Variants in PPFIBP2 observed in about 807,000 individuals in gnomAD.
The protein encoded by PPFIBP2 is liprin-beta-2.
In PPFIBP2, 118 loss-of-function variants were observed where a neutral mutation model predicts 118.3. That is an observed-to-expected ratio of 1.00 (90% CI 0.86 to 1.16). The LOEUF is 1.16. Among genes scored for constraint, PPFIBP2 ranks in the 50% most tolerant of loss-of-function variants. PPFIBP2 has a pLI of 0.00. For missense variants in PPFIBP2, 1,195 were observed against 1,073.1 expected (o/e 1.11, Z -1.59); for synonymous variants, 414 against 397.4 (o/e 1.04, Z -0.50).
intron 5 of PPFIBP2, among the ~76,000 whole-genome samples, chr11:7,602,207 G>C (rs1010452789): frequency 6.6e-6 from 1 of 151,920 alleles, no homozygotes; most frequent in Admixed American, 6.6e-5. Context: ...AGAACTCACA[G>C]TGCTGGGCTC....
At chr11:7,526,764 G>A (rs566869629) in intron 1 of PPFIBP2, among the ~76,000 whole-genome samples, 23 of 152,194 alleles carry the variant, frequency 1.5e-4, no homozygotes, top group African/African-American at 4.1e-4. Context: ...ATCCCAAGTC[G>A]CAGGCTGAAC....
At chr11:7,562,305 C>T (rs576625785) in intron 2 of PPFIBP2, among the ~76,000 whole-genome samples, 2 of 152,290 alleles carry the variant, frequency 1.3e-5, no homozygotes, top group South Asian at 4.1e-4. Flanking sequence ...GGGCTTAGTT[C>T]CTTGATGTCT....
intron 1 of PPFIBP2, among the ~76,000 whole-genome samples, chr11:7,532,098 T>C (rs1291496984): frequency 6.6e-6 from 1 of 152,156 alleles, no homozygotes; most frequent in Non-Finnish European, 1.5e-5. Context: ...CACCTCGGCC[T>C]CCCAAAGTGC....
intron 14 of PPFIBP2, 141 bp from the exon 15 acceptor site, chr11:7,639,591 A>G (rs1027390193): frequency 4.7e-6 from 5 of 1,068,236 alleles, no homozygotes; most frequent in Non-Finnish European, 7.0e-6. Context: ...CGGACTAGCT[A>G]AATAATCTTT....
intron 20 of PPFIBP2, 86 bp downstream of exon 20, chr11:7,649,321 C>T: frequency 1.5e-6 from 2 of 1,349,710 alleles, no homozygotes; most frequent in Non-Finnish European, 2.1e-6. Flanking sequence ...AAACTTGATT[C>T]CATATATTCT....
rs201797789 is a variant in PPFIBP2 at position 7,653,021 on chromosome 11, T to C, written c.2437-3T>C. On this transcript the variant is annotated splice_region_variant and splice_polypyrimidine_tract_variant and intron_variant, in intron 23 of 23. Coordinates refer to ENST00000299492, the MANE Select transcript of PPFIBP2 (RefSeq NM_003621.5). ...TCATAATCTTGCATTTTCTGTGTTT[T>C]AGCCAAGGAAACTAGGATTTTCACA... The C allele has an allele frequency of 1.2e-6, 2 of 1,605,136 alleles. No individual in the cohort carries two copies. Among genetic ancestry groups the C allele is most frequent in the Non-Finnish European group, 1.7e-6 (2 of 1,173,450 alleles).
At chr11:7,546,102 T>C (rs994616758) in intron 1 of PPFIBP2, among the ~76,000 whole-genome samples, 1 of 152,184 alleles carries the variant, frequency 6.6e-6, no homozygotes, top group African/African-American at 2.4e-5. Context: ...CATGCATCCC[T>C]CCCCACTCCT....
In PPFIBP2 at chr11:7,597,652, T is replaced by C. The variant is rs773792345; in HGVS notation, c.465T>C (p.Ala155=). ...CLEGHQVKLN[A]AEEMLQQELL... ...AAGGACACCAGGTGAAACTCAATGC[T>C]GCTGAAGAGATGCTTCAACAGGTAA... Residue 155 remains alanine (A), a synonymous_variant, in exon 5 of 24, where the codon GCT becomes GCC. Coordinates refer to ENST00000299492, the MANE Select transcript of PPFIBP2 (RefSeq NM_003621.5). 3 of 1,614,100 alleles carry C rather than the reference T, an allele frequency of 1.9e-6. No homozygotes were observed. The African/African-American group carries it at 4.0e-5, about 22-fold the overall frequency.
intron 2 of PPFIBP2, among the ~76,000 whole-genome samples, chr11:7,561,589 A>G (rs1297682294): frequency 1.3e-5 from 2 of 152,006 alleles, no homozygotes; most frequent in Admixed American, 1.3e-4. Flanking sequence ...ATTTTTGTGT[A>G]TGGTGTATAA....
chr11:7,555,480 G>A (rs1241896885), intron 2 of PPFIBP2, among the ~76,000 whole-genome samples: 1 of 152,294 alleles, frequency 6.6e-6, no homozygotes, highest in South Asian at 2.1e-4. Flanking sequence ...GCTGAGGACT[G>A]TTGAGTCCAT....
chr11:7,665,266 G>T, the PPFIBP2 span: 2 of 986,240 alleles, frequency 2.0e-6, no homozygotes, highest in Non-Finnish European at 2.9e-6. Flanking sequence ...GTGCGCGAAG[G>T]TACATGGCAA....
chr11:7,665,246 G>C, the PPFIBP2 span: 1 of 798,196 alleles, frequency 1.3e-6, no homozygotes, highest in Non-Finnish European at 1.9e-6. Context: ...CAAAAGAGGA[G>C]AACCAGTGTG....
intron 2 of PPFIBP2, among the ~76,000 whole-genome samples, chr11:7,561,912 C>T (rs992022947): frequency 3.3e-5 from 5 of 152,162 alleles, no homozygotes; most frequent in African/African-American, 1.2e-4. Flanking sequence ...AGCAGCAGTC[C>T]CTAACCTTTT....
chr11:7,651,812 T>G lies in PPFIBP2; in HGVS notation c.2404T>G (p.Tyr802Asp), dbSNP rs1445055795. The G allele has an allele frequency of 1.2e-6, 2 of 1,613,364 alleles. No homozygotes were observed. Among genetic ancestry groups the G allele is most frequent in the Non-Finnish European group, 1.7e-6 (2 of 1,179,570 alleles). Residue 802 changes from tyrosine to aspartate, a missense_variant, in exon 23 of 24, where the codon TAC becomes GAC. By Grantham distance (160) the Tyr-to-Asp change is radical. Coordinates refer to ENST00000299492, the MANE Select transcript of PPFIBP2 (RefSeq NM_003621.5). ...GCGAGAGAAAATGGCCTCACCAGCT[T>G]ACACACCACTGACCACCACAGCCAA... ...EKREKMASPA[Y>D]TPLTTTAKVR...
Position 7,642,312 on chromosome 11 carries a change from A to G in PPFIBP2, c.1532A>G (p.Gln511Arg). 8.1e-6 allele frequency: 13 copies of G among 1,614,108 alleles called. No individual in the cohort carries two copies. Among genetic ancestry groups the G allele is most frequent in the African/African-American group, 2.7e-5 (2 of 75,024 alleles). The change falls in exon 17 of 24, where the codon CAG (glutamine) becomes CGG (arginine). Residue 511 changes from glutamine (Q) to arginine (R), a missense_variant. Gln to Arg is a conservative substitution (Grantham distance 43). Transcript: ENST00000299492. The stretch of plus-strand genomic sequence containing the variant: ...TCTCCATGCAGAATCCGAAGAACTC[A>G]GTCAGGAAATTTCTACACTGACACG... ...KKFWGKIRRT[Q>R]SGNFYTDTLG... is the part of the protein sequence containing the mutation.
At position 7,639,811 on chromosome 11, in the gene PPFIBP2, C is replaced by T; in HGVS notation, c.1316C>T (p.Ala439Val). 1 of 1,613,814 alleles carries T rather than the reference C, an allele frequency of 6.2e-7. No homozygotes were observed. Among genetic ancestry groups the T allele is most frequent in the South Asian group, 1.1e-5 (1 of 91,060 alleles). ...LSGATPNGEA[A>V]KSPPTICQPD... ...GGAGCCACGCCCAATGGAGAGGCTGCCAAATCTCCTCCCACCATCTGCCAG... is the reference window on the plus strand; with the variant it reads ...GGAGCCACGCCCAATGGAGAGGCTGTCAAATCTCCTCCCACCATCTGCCAG... Residue 439 changes from alanine to valine, a missense_variant, in exon 15 of 24, where the codon GCC becomes GTC. By Grantham distance (64) the Ala-to-Val change is moderately conservative. Transcript: ENST00000299492.
chr11:7,528,957 CG>C (rs1850451417), intron 1 of PPFIBP2, among the ~76,000 whole-genome samples: 1 of 152,294 alleles, frequency 6.6e-6, no homozygotes, highest in East Asian at 1.9e-4. Context: ...CTGGTGGCCA[CG>C]CCTTGCTTCT....
downstream of PPFIBP2, among the ~76,000 whole-genome samples, chr11:7,656,569 T>C (rs1854710016): frequency 6.6e-6 from 1 of 152,268 alleles, no homozygotes; most frequent in Admixed American, 6.5e-5. Context: ...TTGTTTATTC[T>C]GACCCAATAC....
intron 1 of PPFIBP2, among the ~76,000 whole-genome samples, chr11:7,541,682 A>T (rs1046046411): frequency 6.6e-6 from 1 of 152,122 alleles, no homozygotes; most frequent in Non-Finnish European, 1.5e-5. Context: ...TCCCAAATTG[A>T]CATCTCCATC....
Sources: allele counts gnomAD v4.1 joint callset (sites outside exome capture counted in the v4.1 genomes callset), GRCh38; gene constraint gnomAD v4.1.1; transcripts MANE v1.5; gene names NCBI Gene and HGNC (gene_info 2026-07-23, HGNC 2026-07-21).